AKAP19: variants seen among roughly 807,000 people sequenced by gnomAD.
The protein encoded by AKAP19 is small A-kinase anchoring protein.
chr2:190,085,638 C>T, the AKAP19 span, among the ~76,000 whole-genome samples: 4 of 152,184 alleles, frequency 2.6e-5, no homozygotes, highest in Non-Finnish European at 2.9e-5. Flanking sequence ...TCCCCCTGAA[C>T]AACTTATCAC....
chr2:189,954,813 A>G, the AKAP19 span, among the ~76,000 whole-genome samples: 46 of 152,352 alleles, frequency 3.0e-4, 1 homozygote, highest in African/African-American at 9.6e-4. Context: ...ATCCTTGCTC[A>G]GAATTAGACC....
At chr2:190,196,187 T>C in the AKAP19 span, among the ~76,000 whole-genome samples, 1 of 152,086 alleles carries the variant, frequency 6.6e-6, no homozygotes. Flanking sequence ...GGGTTAAACG[T>C]ATCTAATTCC....
the AKAP19 span, among the ~76,000 whole-genome samples, chr2:190,011,739 G>A: frequency 6.6e-6 from 1 of 152,152 alleles, no homozygotes; most frequent in Non-Finnish European, 1.5e-5. Flanking sequence ...TCAATTGACT[G>A]TAAATATGTG....
At chr2:189,893,337 G>A in the AKAP19 span, among the ~76,000 whole-genome samples, 1 of 152,294 alleles carries the variant, frequency 6.6e-6, no homozygotes, top group African/African-American at 2.4e-5. Flanking sequence ...GAAACCCAGG[G>A]CCCTGGTGGC....
chr2:190,074,850 T>C, the AKAP19 span, among the ~76,000 whole-genome samples: 1 of 152,138 alleles, frequency 6.6e-6, no homozygotes, highest in Non-Finnish European at 1.5e-5. Context: ...CAATTTTATA[T>C]TTATCAAAAT....
At chr2:189,904,052 G>C in the AKAP19 span, among the ~76,000 whole-genome samples, 1 of 150,892 alleles carries the variant, frequency 6.6e-6, no homozygotes, top group African/African-American at 2.5e-5. Context: ...AAATGAGAGT[G>C]TTTAAAAGAT....
At chr2:190,028,467 G>A in the AKAP19 span, among the ~76,000 whole-genome samples, 1 of 152,068 alleles carries the variant, frequency 6.6e-6, no homozygotes, top group Non-Finnish European at 1.5e-5. Context: ...AAGTGTTCAT[G>A]AAAAAATTCA....
the AKAP19 span, among the ~76,000 whole-genome samples, chr2:189,987,726 CA>C: frequency 1.3e-5 from 2 of 152,162 alleles, no homozygotes; most frequent in Admixed American, 1.3e-4. Flanking sequence ...ACTATTAGAT[CA>C]AGGGGATCTT....
At chr2:190,184,925 G>C in the AKAP19 span, among the ~76,000 whole-genome samples, 1 of 152,118 alleles carries the variant, frequency 6.6e-6, no homozygotes, top group Non-Finnish European at 1.5e-5. Context: ...TGTACTGTTA[G>C]GCCACAGAAA....
the AKAP19 span, among the ~76,000 whole-genome samples, chr2:190,090,240 G>A: frequency 1.3e-4 from 20 of 152,280 alleles, no homozygotes; most frequent in Admixed American, 9.8e-4. Flanking sequence ...GTTAGCAAGC[G>A]AAGAAAGCCT....
chr2:190,070,623 C>A, the AKAP19 span, among the ~76,000 whole-genome samples: 43 of 125,914 alleles, frequency 3.4e-4, no homozygotes, highest in East Asian at 4.8e-4. Context: ...CTCCCCCCCC[C>A]CTTTTTTTTT....
the AKAP19 span, among the ~76,000 whole-genome samples, chr2:190,044,657 T>G: frequency 1.3e-5 from 2 of 152,150 alleles, no homozygotes; most frequent in African/African-American, 4.8e-5. Context: ...GAGGAGATAC[T>G]AGAATGGGCA....
chr2:189,935,088 G>T, the AKAP19 span, among the ~76,000 whole-genome samples: 2 of 152,056 alleles, frequency 1.3e-5, no homozygotes, highest in African/African-American at 4.8e-5. Context: ...TTTGTCAAAT[G>T]AATGGGGAAC....
At chr2:190,009,088 G>A in the AKAP19 span, among the ~76,000 whole-genome samples, 1 of 152,140 alleles carries the variant, frequency 6.6e-6, no homozygotes, top group Non-Finnish European at 1.5e-5. Context: ...GCATTGTGAG[G>A]AATAGCTAGA....
At chr2:189,906,856 G>A in the AKAP19 span, among the ~76,000 whole-genome samples, 2 of 152,050 alleles carry the variant, frequency 1.3e-5, no homozygotes, top group African/African-American at 4.8e-5. Flanking sequence ...TACCTCTTAT[G>A]AGAATTTTAA....
the AKAP19 span, among the ~76,000 whole-genome samples, chr2:189,883,792 A>C: frequency 1.3e-5 from 2 of 152,122 alleles, no homozygotes; most frequent in Non-Finnish European, 2.9e-5. Flanking sequence ...AACAGAGAAT[A>C]TAGAGAGAAG....
the AKAP19 span, chr2:189,930,944 A>G: frequency 1.3e-6 from 1 of 753,498 alleles, no homozygotes; most frequent in Non-Finnish European, 2.3e-6. Context: ...AAGCTAGCCC[A>G]GTCGGACTGA....
the AKAP19 span, among the ~76,000 whole-genome samples, chr2:190,196,348 A>G: frequency 3.3e-5 from 5 of 152,212 alleles, no homozygotes; most frequent in African/African-American, 1.2e-4. Flanking sequence ...CCACACAATG[A>G]ATTTTTCATT....
chr2:189,958,980 A>G, the AKAP19 span, among the ~76,000 whole-genome samples: 2 of 152,126 alleles, frequency 1.3e-5, no homozygotes, highest in Non-Finnish European at 2.9e-5. Context: ...AATAAAATAC[A>G]CAAAAGTGAG....
Sources: allele counts gnomAD v4.1 joint callset (sites outside exome capture counted in the v4.1 genomes callset), GRCh38; gene constraint gnomAD v4.1.1; transcripts MANE v1.5; gene names NCBI Gene and HGNC (gene_info 2026-07-23, HGNC 2026-07-21).